Variants in CLMP observed in about 807,000 individuals in gnomAD.
CLMP encodes the protein CXADR-like membrane protein.
A neutral mutation model predicts 45.2 loss-of-function variants in CLMP; 27 were observed. The observed-to-expected ratio is 0.60, with a 90% CI of 0.44 to 0.82. The LOEUF (loss-of-function observed/expected upper bound fraction) is 0.82. Ranked by LOEUF, CLMP falls within the 40% of genes least tolerant of loss-of-function variation. The pLI is 0.00. For synonymous variants in CLMP, 167 were observed against 171.4 expected (o/e 0.97, Z 0.20); for missense variants, 403 against 448.4 (o/e 0.90, Z 0.91).
rs1272072299 is a variant in CLMP, at chr11:123,108,363, C to T, written c.29-10411G>A. Among the ~76,000 whole-genome samples the T allele has an allele frequency of 2.0e-5, 3 of 152,180 alleles. No individual in the cohort carries two copies. The East Asian group carries it at 5.8e-4, about 29-fold the overall frequency. ...CAAAGGAATGAAGCTTGCAAGTTATCAGTGGAATTTCAGACATCTGGGAGT... is the reference window on the plus strand; with the variant it reads ...CAAAGGAATGAAGCTTGCAAGTTATTAGTGGAATTTCAGACATCTGGGAGT... On this transcript the variant is annotated intron_variant, in intron 1 of 6. Coordinates refer to ENST00000448775, the MANE Select transcript of CLMP (RefSeq NM_024769.5).
chr11:123,149,950 G>A (rs111321075), intron 1 of CLMP, among the ~76,000 whole-genome samples: 187 of 151,536 alleles, frequency 1.2e-3, no homozygotes, highest in African/African-American at 3.9e-3. Flanking sequence ...GATTACAGGC[G>A]CTCGCCACCA....
At chr11:123,074,955 T>G (rs1865719281) in intron 5 of CLMP, 112 bp from the exon 6 acceptor site, 1 of 1,277,828 alleles carries the variant, frequency 7.8e-7, no homozygotes, top group South Asian at 1.5e-5. Context: ...GGTTTGTTTG[T>G]TTTGTTTTTT....
At chr11:123,135,270 A>C (rs1197214747) in intron 1 of CLMP, among the ~76,000 whole-genome samples, 1 of 141,912 alleles carries the variant, frequency 7.0e-6, no homozygotes, top group African/African-American at 2.8e-5. Flanking sequence ...AAAAAAAAAA[A>C]AAAAACCTGA....
At chr11:123,130,137 C>T (rs535881416) in intron 1 of CLMP, among the ~76,000 whole-genome samples, 49 of 152,188 alleles carry the variant, frequency 3.2e-4, no homozygotes, top group African/African-American at 1.1e-3. Context: ...TAAAAATATT[C>T]AAGGGAAAAG....
rs1179866120 is a variant in CLMP at position 123,117,317 on chromosome 11, TAGAA to T, written c.29-19369_29-19366del. On this transcript the variant is annotated intron_variant, in intron 1 of 6. Coordinates refer to ENST00000448775, the MANE Select transcript of CLMP (RefSeq NM_024769.5). ...ATTTTACAGAGTAAAACCTGAGACT[TAGAA>T]AGGCCTATTTGCTAAGATCTAAGAG... 2.6e-5 allele frequency among the ~76,000 whole-genome samples: 4 copies of T among 152,186 alleles called. No homozygotes were observed. The South Asian group carries it at 8.3e-4, about 32-fold the overall frequency.
At position 123,150,544 on chromosome 11, in the gene CLMP, G is replaced by C. The variant is rs150581203; in HGVS notation, c.28+44369C>G. On this transcript the variant is annotated intron_variant, in intron 1 of 6. Coordinates refer to ENST00000448775, the MANE Select transcript of CLMP (RefSeq NM_024769.5). ...GGAAGGAAGGAAAGAAACAAGCAAGGAAGGAAGGAAGGAAGGAAAGGAAGG... is the reference window on the plus strand; with the variant it reads ...GGAAGGAAGGAAAGAAACAAGCAAGCAAGGAAGGAAGGAAGGAAAGGAAGG... 4.7e-3 allele frequency among the ~76,000 whole-genome samples: 631 copies of C among 135,240 alleles called. 10 individuals are homozygous for C. Among genetic ancestry groups the C allele is most frequent in the African/African-American group, 0.016 (569 of 34,964 alleles). 88.7% of individuals were successfully genotyped at this position (135,240 alleles called of 152,430 possible).
At chr11:123,137,189 T>G (rs1183105805) in intron 1 of CLMP, among the ~76,000 whole-genome samples, 3 of 140,384 alleles carry the variant, frequency 2.1e-5, no homozygotes, top group African/African-American at 8.0e-5. Flanking sequence ...AGTCTCGCTC[T>G]GTCGCCCAGG....
At chr11:123,164,343 A>G (rs4936780) in intron 1 of CLMP, among the ~76,000 whole-genome samples, 125,403 of 152,098 alleles carry the variant, frequency 0.82, 52,301 homozygotes, top group African/African-American at 0.94. Flanking sequence ...TTGCTCTGTC[A>G]CCAAGGCTGG....
chr11:123,175,971 T>C (rs376547193), intron 1 of CLMP, among the ~76,000 whole-genome samples: 2 of 152,222 alleles, frequency 1.3e-5, no homozygotes, highest in African/African-American at 2.4e-5. Flanking sequence ...AGTGTAAACT[T>C]AGGCCACTGG....
chr11:123,153,825 G>T (rs966158356), intron 1 of CLMP, among the ~76,000 whole-genome samples: 2 of 150,656 alleles, frequency 1.3e-5, no homozygotes, highest in Non-Finnish European at 3.0e-5. Flanking sequence ...TGGGACTACA[G>T]GTGCATGCCA....
chr11:123,166,781 T>G (rs1861563079), intron 1 of CLMP, among the ~76,000 whole-genome samples: 2 of 152,214 alleles, frequency 1.3e-5, no homozygotes, highest in African/African-American at 4.8e-5. Context: ...AGAGAGGATT[T>G]TGAATGTTCT....
chr11:123,077,865 G>A (rs1373449514), intron 5 of CLMP, among the ~76,000 whole-genome samples: 2 of 152,110 alleles, frequency 1.3e-5, no homozygotes, highest in Non-Finnish European at 2.9e-5. Flanking sequence ...TCAGCACTTC[G>A]GGAAGGTGAG....
intron 1 of CLMP, among the ~76,000 whole-genome samples, chr11:123,147,270 C>T (rs1011217993): frequency 2.0e-5 from 3 of 152,092 alleles, no homozygotes; most frequent in Non-Finnish European, 4.4e-5. Context: ...GAGTTGCCTT[C>T]TATTCTGCAC....
chr11:123,165,438 AC>A (rs1555086058), intron 1 of CLMP, among the ~76,000 whole-genome samples: 1 of 152,152 alleles, frequency 6.6e-6, no homozygotes, highest in Non-Finnish European at 1.5e-5. Flanking sequence ...AGTATCTGGT[AC>A]CTACCGCATA....
intron 5 of CLMP, among the ~76,000 whole-genome samples, chr11:123,078,900 TC>T (rs1229285642): frequency 6.6e-6 from 1 of 152,160 alleles, no homozygotes; most frequent in Non-Finnish European, 1.5e-5. Context: ...TGCCTCGGCC[TC>T]CCAAAGTGCT....
chr11:123,137,233 A>G (rs1244536968), intron 1 of CLMP, among the ~76,000 whole-genome samples: 2 of 136,352 alleles, frequency 1.5e-5, no homozygotes, highest in Admixed American at 8.6e-5. Context: ...GGCTCACTGC[A>G]AGCTCCGCCT....
At chr11:123,175,104 C>T (rs1861680837) in intron 1 of CLMP, among the ~76,000 whole-genome samples, 1 of 152,120 alleles carries the variant, frequency 6.6e-6, no homozygotes, top group Non-Finnish European at 1.5e-5. Context: ...TGGGCCTGCA[C>T]CACCATGCCT....
At chr11:123,101,958 T>C (rs1360790612) in intron 1 of CLMP, among the ~76,000 whole-genome samples, 1 of 152,056 alleles carries the variant, frequency 6.6e-6, no homozygotes, top group East Asian at 1.9e-4. Flanking sequence ...CCAGAGTGGG[T>C]GGACTGCTTG....
At chr11:123,123,843 T>C (rs1203968782) in intron 1 of CLMP, among the ~76,000 whole-genome samples, 2 of 152,138 alleles carry the variant, frequency 1.3e-5, no homozygotes, top group African/African-American at 4.8e-5. Context: ...CTACCTCTAA[T>C]GCTGTGGCAG....
Sources: gnomAD v4.1 joint callset for allele counts (sites outside exome capture counted in the v4.1 genomes callset) on GRCh38, gnomAD v4.1.1 for gene constraint, MANE v1.5 for transcripts, NCBI Gene and HGNC (gene_info 2026-07-23, HGNC 2026-07-21) for gene names.